LRCH3: variants seen among roughly 807,000 people sequenced by gnomAD.
LRCH3 encodes the protein DISP complex protein LRCH3.
LRCH3 carries 68 observed loss-of-function variants against 104.5 expected under a neutral mutation model. The observed-to-expected ratio is 0.65, with a 90% CI of 0.54 to 0.80. The LOEUF (loss-of-function observed/expected upper bound fraction) is 0.80. LRCH3 is among the 30% of genes least tolerant of loss of function. LRCH3 has a pLI of 0.00. For missense variants in LRCH3, 951 were observed against 953.9 expected, an observed-to-expected ratio of 1.00 and a Z score of 0.04; for synonymous variants, 344 against 361.3, an observed-to-expected ratio of 0.95 and a Z score of 0.54.
chr3:197,856,286 T>C lies in LRCH3; in HGVS notation c.1644+1841T>C, dbSNP rs1479008874. On this transcript the variant is annotated intron_variant, in intron 14 of 20. Transcript: ENST00000425562. This position sits in a 1 kb window ranked among gnomAD's most constrained non-coding sequence, Gnocchi z 4.2. ...CTGACAGGAGCTCCAGTGCGTTTGATGAAAAGGAGGCCCGGGAAGTATACA... is the reference window on the plus strand; with the variant it reads ...CTGACAGGAGCTCCAGTGCGTTTGACGAAAAGGAGGCCCGGGAAGTATACA... Among the ~76,000 whole-genome samples, 2 of 152,234 alleles carry C rather than the reference T, an allele frequency of 1.3e-5. No homozygotes were observed. Among genetic ancestry groups the C allele is most frequent in the African/African-American group, 2.4e-5 (1 of 41,466 alleles).
At chr3:197,850,351 CTT>C (rs199876882) in intron 12 of LRCH3, 34,906 of 600,528 alleles carry the variant, frequency 0.058, 479 homozygotes, top group African/African-American at 0.19. Flanking sequence ...ACCATTTTTT[CTT>C]TTTTTTTTTT....
chr3:197,835,328 C>T (rs547123064), intron 8 of LRCH3, among the ~76,000 whole-genome samples: 53 of 151,604 alleles, frequency 3.5e-4, no homozygotes, highest in Non-Finnish European at 6.8e-4. Flanking sequence ...GGACTACAGG[C>T]GTGTGCCACT....
chr3:197,820,284 TA>T (rs752337055), intron 3 of LRCH3, 40 bp from the exon 4 acceptor site: 10 of 1,399,068 alleles, frequency 7.1e-6, no homozygotes, highest in African/African-American at 2.8e-5. Context: ...GACAAGTTTG[TA>T]ATGTTAGGAC....
intron 4 of LRCH3, among the ~76,000 whole-genome samples, chr3:197,826,398 TC>T (rs931785437): frequency 6.6e-6 from 1 of 152,186 alleles, no homozygotes; most frequent in Non-Finnish European, 1.5e-5. Context: ...AGCTGGCAAC[TC>T]CTCCTGACTT....
chr3:197,793,356 A>G (rs115807407), intron 1 of LRCH3, among the ~76,000 whole-genome samples: 111 of 152,324 alleles, frequency 7.3e-4, no homozygotes, highest in African/African-American at 2.6e-3. Flanking sequence ...TAAGGTAAAT[A>G]TGAGCAGCCA....
chr3:197,793,303 A>T (rs1368517521), intron 1 of LRCH3, among the ~76,000 whole-genome samples: 38 of 152,194 alleles, frequency 2.5e-4, no homozygotes, highest in Admixed American at 2.4e-3. Context: ...TCTTTTTGGA[A>T]ACAGTTGAAC....
intron 1 of LRCH3, among the ~76,000 whole-genome samples, chr3:197,812,504 G>GTTTTTTTTGTTTTTTTTTTT: frequency 2.0e-5 from 1 of 48,952 alleles, no homozygotes; most frequent in Non-Finnish European, 3.5e-5. Context: ...TCTGCTTTCA[G>GTTTTTTTTGTTTTTTTTTTT]TTTTTTTTTT....
At chr3:197,857,566 C>T (rs577219485) in intron 14 of LRCH3, among the ~76,000 whole-genome samples, 16 of 152,306 alleles carry the variant, frequency 1.1e-4, no homozygotes, top group African/African-American at 2.6e-4. Context: ...ACATTCTCTT[C>T]GGGCTACCCC....
intron 1 of LRCH3, among the ~76,000 whole-genome samples, chr3:197,798,485 A>G (rs576761): frequency 0.85 from 130,076 of 152,178 alleles, 55,723 homozygotes; most frequent in East Asian, 1. Context: ...GGTGGACTAC[A>G]ATCACACACA....
intron 20 of LRCH3, among the ~76,000 whole-genome samples, chr3:197,877,728 A>G (rs375173289): frequency 6.6e-6 from 1 of 152,122 alleles, no homozygotes; most frequent in South Asian, 2.1e-4. Flanking sequence ...ATGAAAGTAG[A>G]TCATCATTCT....
rs1314939560 is a variant in LRCH3 at position 197,881,282 on chromosome 3, G to A, written c.2209-2259G>A. The A allele has an allele frequency of 4.0e-6, 4 of 990,514 alleles. No individual in the cohort carries two copies. The African/African-American group carries it at 5.2e-5, about 13-fold the overall frequency. 61.4% of individuals were successfully genotyped at this position (990,514 alleles called of 1,614,324 possible). On this transcript the variant is annotated intron_variant, in intron 20 of 20. Transcript: ENST00000425562. ...GGCACAGGTCCATATAAGCATTTGC[G>A]GTCTGGACGTTTCAAAGGTATTGGC...
rs112010260 is a variant in LRCH3 at position 197,839,343 on chromosome 3, C to T, written c.1274C>T (p.Ala425Val). 1.1e-3 allele frequency: 1,806 copies of T among 1,595,360 alleles called. 21 individuals are homozygous for T. In the African/African-American group the frequency reaches 0.022, roughly 19 times the overall value. ...TAGGGTTCACCAGTAAAGCCAGTAG[C>T]CATTAGGGAGTTTCAAAAAACAGAA... ...SHEGSPVKPV[A>V]IREFQKTEDM... Residue 425 changes from alanine (A) to valine (V), a missense_variant, in exon 10 of 21, where the codon GCC becomes GTC. Coordinates refer to ENST00000425562, the MANE Select transcript of LRCH3 (RefSeq NM_001365715.1).
intron 15 of LRCH3, among the ~76,000 whole-genome samples, chr3:197,862,267 A>G (rs1436298654): frequency 6.8e-6 from 1 of 147,048 alleles, no homozygotes; most frequent in East Asian, 1.9e-4. Context: ...AAGTGCTGGG[A>G]TTACAGGCGT....
chr3:197,854,329 A>T lies in LRCH3; in HGVS notation c.1591-63A>T. The stretch of plus-strand genomic sequence containing the variant: ...CTCTTCCCTTGTGTGTGTATTCGTG[A>T]AATACGTCACACGTGTGCGTAGTTT... On this transcript the variant is annotated intron_variant, in intron 13 of 20. Coordinates refer to ENST00000425562, the MANE Select transcript of LRCH3 (RefSeq NM_001365715.1). This position sits in a 1 kb window ranked among gnomAD's most constrained non-coding sequence, Gnocchi z 4.5. The T allele has an allele frequency of 7.2e-7, 1 of 1,393,210 alleles. No homozygotes were observed. The highest frequency in any genetic ancestry group is 1.0e-6 in the Non-Finnish European group (1 of 978,304). 86.3% of individuals were successfully genotyped at this position (1,393,210 alleles called of 1,614,324 possible).
intron 15 of LRCH3, among the ~76,000 whole-genome samples, chr3:197,862,822 T>C (rs1414942381): frequency 6.6e-6 from 1 of 152,238 alleles, no homozygotes; most frequent in Non-Finnish European, 1.5e-5. Context: ...ATAAACCCGA[T>C]GAACGTGTCT....
Position 197,866,075 on chromosome 3 carries a change from C to G in LRCH3, c.1766-37C>G, listed in dbSNP as rs372701428. 1.1e-5 allele frequency: 16 copies of G among 1,418,122 alleles called. No homozygotes were observed. In the African/African-American group the frequency reaches 2.3e-4, roughly 20 times the overall value. The allele number at this position is 1,418,122 out of a possible 1,614,324, so 87.8% of individuals were successfully genotyped here. On this transcript the variant is annotated intron_variant, in intron 16 of 20. Coordinates refer to ENST00000425562, the MANE Select transcript of LRCH3 (RefSeq NM_001365715.1). ...TGTATGTCTGCTATTATATTTTCAT[C>G]TCCTTTAATCTCATTTTATTTTTCA...
intron 10 of LRCH3, among the ~76,000 whole-genome samples, chr3:197,843,391 T>TTACA (rs1738113913): frequency 6.6e-6 from 1 of 151,976 alleles, no homozygotes; most frequent in African/African-American, 2.4e-5. Context: ...CTGGGTGTAA[T>TTACA]CCCAGCACTA....
intron 17 of LRCH3, among the ~76,000 whole-genome samples, chr3:197,869,580 C>G (rs529566708): frequency 2.5e-4 from 36 of 142,254 alleles, no homozygotes; most frequent in Admixed American, 8.1e-4. Flanking sequence ...AGGTAGAAAG[C>G]GATGCACTGT....
chr3:197,836,729 G>A (rs1736852003), intron 9 of LRCH3, among the ~76,000 whole-genome samples: 1 of 152,230 alleles, frequency 6.6e-6, no homozygotes, highest in African/African-American at 2.4e-5. Flanking sequence ...CCAGGCTGGT[G>A]TGCCTTGGCA....
Sources: gnomAD v4.1 joint callset for allele counts (sites outside exome capture counted in the v4.1 genomes callset) on GRCh38, gnomAD v4.1.1 for gene constraint, Gnocchi (gnomAD v3.1) non-coding constraint, MANE v1.5 for transcripts, NCBI Gene and HGNC (gene_info 2026-07-23, HGNC 2026-07-21) for gene names.